Variants in XDH observed in about 807,000 individuals in gnomAD.
XDH encodes xanthine dehydrogenase, also known as xanthine dehydrogenase/oxidase.
Under a neutral mutation model 156.1 loss-of-function variants are expected in XDH, and 138 were observed. The ratio of observed to expected loss-of-function variants is 0.88; its 90% CI spans 0.77 to 1.02. The LOEUF (loss-of-function observed/expected upper bound fraction) is 1.02. Among genes scored for constraint, XDH ranks in the 50% least tolerant of loss-of-function variants. The pLI is 0.00. For missense variants in XDH, 1,849 were observed against 1,684.9 expected, an observed-to-expected ratio of 1.10 and a Z score of -1.71; for synonymous variants, 669 against 625.7, an observed-to-expected ratio of 1.07 and a Z score of -1.03.
intron 24 of XDH, among the ~76,000 whole-genome samples, chr2:31,352,246 A>G (rs767605607): frequency 6.6e-6 from 1 of 152,034 alleles, no homozygotes; most frequent in African/African-American, 2.4e-5. Flanking sequence ...AAGTCATGAG[A>G]GCTCATTTTT....
At chr2:31,371,088 C>T (rs978145334) in intron 17 of XDH, among the ~76,000 whole-genome samples, 9 of 152,206 alleles carry the variant, frequency 5.9e-5, no homozygotes, top group African/African-American at 2.2e-4. Flanking sequence ...TGTGCTATCC[C>T]AGCATGACAG....
chr2:31,398,465 C>T, intron 5 of XDH, 108 bp downstream of exon 5: 1 of 1,588,212 alleles, frequency 6.3e-7, no homozygotes, highest in African/African-American at 1.3e-5. Context: ...GGCCTGAGCC[C>T]TTCCTCCAAA....
chr2:31,352,008 G>C (rs1196078406), intron 24 of XDH, among the ~76,000 whole-genome samples: 1 of 151,972 alleles, frequency 6.6e-6, no homozygotes, highest in African/African-American at 2.4e-5. Context: ...TTATTATATG[G>C]GCTGTTTTAA....
intron 18 of XDH, among the ~76,000 whole-genome samples, 193 bp downstream of exon 18, chr2:31,370,162 C>T (rs1686034347): frequency 6.6e-6 from 1 of 152,188 alleles, no homozygotes; most frequent in East Asian, 1.9e-4. Flanking sequence ...CATGTACAAA[C>T]AGCAGCCATC....
chr2:31,405,892 C>G lies in XDH; in HGVS notation c.100+15G>C, dbSNP rs913461789. ...GCCCCCCTTCTCCGTCACTCCCACT[C>G]CAAAGTCAGGATACACTTTCTTCTC... On this transcript the variant is annotated intron_variant, in intron 2 of 35. Coordinates refer to ENST00000379416, the MANE Select transcript of XDH (RefSeq NM_000379.4). The G allele has an allele frequency of 7.4e-6, 12 of 1,614,012 alleles. No homozygotes were observed. The Admixed American group carries it at 1.7e-4, about 22-fold the overall frequency.
intron 24 of XDH, among the ~76,000 whole-genome samples, chr2:31,356,559 A>G (rs116238644): frequency 1.4e-3 from 218 of 152,324 alleles, no homozygotes; most frequent in African/African-American, 4.9e-3. Flanking sequence ...CCACAAGTCA[A>G]GGAGTGCCAC....
At chr2:31,358,742 G>A (rs928024844) in intron 24 of XDH, among the ~76,000 whole-genome samples, 1 of 151,884 alleles carries the variant, frequency 6.6e-6, no homozygotes, top group Non-Finnish European at 1.5e-5. Flanking sequence ...AAACACTAAT[G>A]GAAGAAAACT....
At position 31,401,311 on chromosome 2, in the gene XDH, G is replaced by A. The variant is rs1363779927; in HGVS notation, c.215C>T (p.Ala72Val). Residue 72 changes from alanine to valine, a missense_variant, in exon 4 of 36, where the codon GCC (alanine) becomes GTC (valine). Ala to Val is a moderately conservative substitution (Grantham distance 64, BLOSUM62 0). Coordinates refer to ENST00000379416, the MANE Select transcript of XDH (RefSeq NM_000379.4). ...QNKIVHFSAN[A>V]CLAPICSLHH... is the part of the protein sequence containing the mutation. Reference sequence around the variant, plus strand: ...CAAGGAGCAGATGGGGGCCAGGCAGGCATTGGCAGAAAAGTGGCTAGAACC... The same window carrying A: ...CAAGGAGCAGATGGGGGCCAGGCAGACATTGGCAGAAAAGTGGCTAGAACC... The A allele has an allele frequency of 4.3e-6, 7 of 1,614,172 alleles. No individual in the cohort carries two copies. Among genetic ancestry groups the A allele is most frequent in the Non-Finnish European group, 3.4e-6 (4 of 1,180,030 alleles).
intron 24 of XDH, among the ~76,000 whole-genome samples, chr2:31,350,852 G>A (rs1685457821): frequency 6.6e-6 from 1 of 152,178 alleles, no homozygotes. Flanking sequence ...AAGTTGTACT[G>A]CAAATAGTTT....
intron 18 of XDH, among the ~76,000 whole-genome samples, chr2:31,369,114 C>T (rs990688820): frequency 3.3e-5 from 5 of 152,116 alleles, no homozygotes; most frequent in Non-Finnish European, 7.4e-5. Context: ...TTTCTTTTCA[C>T]CTCACCACTC....
intron 10 of XDH, 51 bp from the exon 11 acceptor site, chr2:31,383,203 G>A (rs1221135590): frequency 1.6e-5 from 26 of 1,613,454 alleles, no homozygotes; most frequent in South Asian, 2.2e-5. Context: ...GTTCAGAAGA[G>A]GCTTTCATGC....
intron 4 of XDH, among the ~76,000 whole-genome samples, chr2:31,400,317 C>A (rs1409338252): frequency 1.3e-5 from 2 of 149,388 alleles, no homozygotes; most frequent in Non-Finnish European, 3.0e-5. Context: ...CGGCTCACTG[C>A]AAGCTCCATC....
At chr2:31,372,535 G>A in intron 16 of XDH, 138 bp from the exon 17 acceptor site, 2 of 1,143,316 alleles carry the variant, frequency 1.7e-6, no homozygotes, top group Admixed American at 2.0e-5. Context: ...AGGGGCGTGG[G>A]GCAAAGGGAA....
chr2:31,406,063 GT>G, intron 1 of XDH, 99 bp from the exon 2 acceptor site: 1 of 1,345,188 alleles, frequency 7.4e-7, no homozygotes, highest in South Asian at 1.2e-5. Context: ...AATTTGTAGA[GT>G]TAGTAGGAAG....
At chr2:31,343,195 A>G (rs1052156623) in intron 31 of XDH, among the ~76,000 whole-genome samples, 1 of 150,680 alleles carries the variant, frequency 6.6e-6, no homozygotes, top group African/African-American at 2.4e-5. Context: ...GAACTCCAGA[A>G]ATGTAATAGG....
Position 31,405,940 on chromosome 2 carries a change from C to T in XDH, c.67G>A (p.Glu23Lys), listed in dbSNP as rs1687181059. The change falls in exon 2 of 36, where the codon GAG becomes AAG. Residue 23 changes from glutamate to lysine, a missense_variant. Physicochemically the swap from Glu to Lys is moderately conservative, Grantham distance 56 (BLOSUM62 1). Coordinates refer to ENST00000379416, the MANE Select transcript of XDH (RefSeq NM_000379.4). Reference protein sequence around the residue: ...RKVVEKNADPETTLLAYLRRK... With the variant: ...RKVVEKNADPKTTLLAYLRRK... ...CTCAGGTAGGCCAAAAGGGTTGTCT[C>T]TGGATCTGCATTTTTCTCCACCACC... 3 of 1,614,166 alleles carry T rather than the reference C, an allele frequency of 1.9e-6. No individual in the cohort carries two copies. Among genetic ancestry groups the T allele is most frequent in the Non-Finnish European group, 2.5e-6 (3 of 1,180,026 alleles).
chr2:31,362,351 C>A (rs1265153585), intron 24 of XDH, among the ~76,000 whole-genome samples: 3 of 152,214 alleles, frequency 2.0e-5, no homozygotes, highest in African/African-American at 7.2e-5. Flanking sequence ...TCTCAAGCTA[C>A]TGATCCTGAG....
chr2:31,344,022 C>T (rs1328751706), intron 31 of XDH, among the ~76,000 whole-genome samples: 1 of 152,032 alleles, frequency 6.6e-6, no homozygotes, highest in African/African-American at 2.4e-5. Context: ...AGCTAAACTT[C>T]CCAGAGACGG....
intron 24 of XDH, among the ~76,000 whole-genome samples, chr2:31,355,089 T>C (rs1428727168): frequency 6.6e-6 from 1 of 152,084 alleles, no homozygotes; most frequent in African/African-American, 2.4e-5. Flanking sequence ...TGACAGAGGA[T>C]TTCTCATCAG....
Sources: allele counts gnomAD v4.1 joint callset (sites outside exome capture counted in the v4.1 genomes callset), GRCh38; gene constraint gnomAD v4.1.1; transcripts MANE v1.5; gene names NCBI Gene and HGNC (gene_info 2026-07-23, HGNC 2026-07-21).